The following TENM3 variants were observed in gnomAD, a reference collection of about 807,000 sequenced individuals.
TENM3 encodes teneurin transmembrane protein 3.
In TENM3, 63 loss-of-function variants were observed where a neutral mutation model predicts 255.1. The observed-to-expected ratio is 0.25, with a 90% CI of 0.20 to 0.30. The LOEUF (loss-of-function observed/expected upper bound fraction) is 0.30. Among genes scored for constraint, TENM3 ranks in the 10% least tolerant of loss-of-function variants. The pLI, the probability that TENM3 is intolerant of heterozygous loss-of-function variation, is 1.00. For synonymous variants in TENM3, 1,306 were observed against 1,322.3 expected, an observed-to-expected ratio of 0.99 and a Z score of 0.27; for missense variants, 2,929 against 3,461.1, an observed-to-expected ratio of 0.85 and a Z score of 3.86.
At chr4:182,583,308 G>C (rs1292227050) in intron 3 of TENM3, among the ~76,000 whole-genome samples, 1 of 151,626 alleles carries the variant, frequency 6.6e-6, no homozygotes, top group East Asian at 1.9e-4. Flanking sequence ...TCAAGACATA[G>C]AGTTAGCAAC....
the TENM3 span, among the ~76,000 whole-genome samples, chr4:182,137,813 A>G: frequency 2.0e-5 from 3 of 152,222 alleles, no homozygotes; most frequent in Non-Finnish European, 4.4e-5. Context: ...AAGACCCATC[A>G]ACATCCATAA....
the TENM3 span, among the ~76,000 whole-genome samples, chr4:182,020,741 A>C: frequency 6.6e-6 from 1 of 152,146 alleles, no homozygotes; most frequent in East Asian, 1.9e-4. Context: ...AAATCATATC[A>C]CTTCTCAACT....
intron 4 of TENM3, among the ~76,000 whole-genome samples, chr4:182,607,592 T>C (rs1028852122): frequency 2.0e-5 from 3 of 152,328 alleles, no homozygotes; most frequent in African/African-American, 7.2e-5. Context: ...CCCAGTTTTA[T>C]TTAAGGTATT....
At chr4:182,786,774 C>T (rs1050040462) in intron 24 of TENM3, among the ~76,000 whole-genome samples, 1 of 152,064 alleles carries the variant, frequency 6.6e-6, no homozygotes, top group African/African-American at 2.4e-5. Context: ...GCAATAATAA[C>T]ATGGCAGCAC....
the TENM3 span, among the ~76,000 whole-genome samples, chr4:181,531,605 C>A: frequency 1.3e-5 from 2 of 152,140 alleles, no homozygotes; most frequent in Non-Finnish European, 2.9e-5. Context: ...GGGAATACAG[C>A]AAACAAGACA....
chr4:181,736,069 G>A, the TENM3 span, among the ~76,000 whole-genome samples: 9 of 152,142 alleles, frequency 5.9e-5, no homozygotes, highest in South Asian at 2.1e-4. Context: ...AGGCCAAAGC[G>A]GGCAGATGAC....
the TENM3 span, among the ~76,000 whole-genome samples, chr4:181,937,844 A>G: frequency 7.2e-5 from 11 of 152,150 alleles, no homozygotes; most frequent in African/African-American, 2.7e-4. Context: ...GGAAAGTTTT[A>G]AAAGTCTCTT....
At chr4:182,066,437 T>C in the TENM3 span, among the ~76,000 whole-genome samples, 2 of 152,082 alleles carry the variant, frequency 1.3e-5, no homozygotes, top group Non-Finnish European at 2.9e-5. Context: ...ATTTGGACAA[T>C]GGTCTGGGTT....
At chr4:182,227,698 TGGCTTCCG>T (rs1479303663) in intron 1 of TENM3, among the ~76,000 whole-genome samples, 1 of 151,214 alleles carries the variant, frequency 6.6e-6, no homozygotes, top group Non-Finnish European at 1.5e-5. Flanking sequence ...CTTTTTTCAG[TGGCTTCCG>T]GGCAAAGAAG....
At chr4:181,475,630 A>G in the TENM3 span, among the ~76,000 whole-genome samples, 2 of 152,324 alleles carry the variant, frequency 1.3e-5, 1 homozygote, top group Non-Finnish European at 2.9e-5. Flanking sequence ...GCTTTAGCCT[A>G]GAGTTATAGA....
intron 3 of TENM3, among the ~76,000 whole-genome samples, chr4:182,347,179 T>C (rs1764882586): frequency 6.6e-6 from 1 of 152,164 alleles, no homozygotes; most frequent in African/African-American, 2.4e-5. Context: ...CTACAATGTT[T>C]TGGCTATAGT....
chr4:182,037,196 G>A, the TENM3 span, among the ~76,000 whole-genome samples: 7 of 148,276 alleles, frequency 4.7e-5, no homozygotes, highest in Admixed American at 6.8e-5. Flanking sequence ...TTCCCAGGCT[G>A]GAGTGCAGTG....
chr4:182,392,703 G>T (rs1768521573), intron 3 of TENM3, among the ~76,000 whole-genome samples: 2 of 152,074 alleles, frequency 1.3e-5, no homozygotes, highest in African/African-American at 4.8e-5. Flanking sequence ...GAAGGAGGCA[G>T]GTGTGAACAG....
chr4:182,580,289 T>C (rs1431900474), intron 3 of TENM3, among the ~76,000 whole-genome samples: 1 of 152,114 alleles, frequency 6.6e-6, no homozygotes, highest in Non-Finnish European at 1.5e-5. Flanking sequence ...TCTGACTCTT[T>C]TCTGTATTCT....
At chr4:181,978,001 T>G in the TENM3 span, among the ~76,000 whole-genome samples, 27 of 152,266 alleles carry the variant, frequency 1.8e-4, no homozygotes, top group South Asian at 5.4e-3. Flanking sequence ...AGAGGCCAAG[T>G]CATTCCAAGT....
the TENM3 span, among the ~76,000 whole-genome samples, chr4:181,610,221 T>C: frequency 6.6e-6 from 1 of 152,198 alleles, no homozygotes; most frequent in African/African-American, 2.4e-5. Flanking sequence ...CCCTGTATGT[T>C]TGCATGAAAT....
intron 13 of TENM3, among the ~76,000 whole-genome samples, chr4:182,721,244 G>A (rs1055472953): frequency 6.6e-6 from 1 of 152,162 alleles, no homozygotes; most frequent in African/African-American, 2.4e-5. Flanking sequence ...GTGGTACAGA[G>A]ATACTACACT....
the TENM3 span, among the ~76,000 whole-genome samples, chr4:181,671,797 T>G: frequency 1.3e-5 from 2 of 152,090 alleles, no homozygotes; most frequent in African/African-American, 4.8e-5. Context: ...GCTTGGCACC[T>G]GGTAGCTCTG....
At chr4:181,608,223 A>G in the TENM3 span, among the ~76,000 whole-genome samples, 2 of 152,224 alleles carry the variant, frequency 1.3e-5, no homozygotes, top group African/African-American at 4.8e-5. Flanking sequence ...CTAGAGAAAC[A>G]ATTTAGAGAA....
Sources: gnomAD v4.1 joint callset for allele counts (sites outside exome capture counted in the v4.1 genomes callset) on GRCh38, gnomAD v4.1.1 for gene constraint, MANE v1.5 for transcripts, NCBI Gene and HGNC (gene_info 2026-07-23, HGNC 2026-07-21) for gene names.